Variants in FARS2 observed in about 807,000 individuals in gnomAD.
FARS2 encodes the protein phenylalanine--tRNA ligase, mitochondrial.
In FARS2, 40 loss-of-function variants were observed where a neutral mutation model predicts 46.4. The ratio of observed to expected loss-of-function variants is 0.86; its 90% CI spans 0.67 to 1.12. The LOEUF (loss-of-function observed/expected upper bound fraction) is 1.12. Among genes scored for constraint, FARS2 ranks in the 50% most tolerant of loss-of-function variants. The pLI is 0.00. For synonymous variants in FARS2, 234 were observed against 214.9 expected, an observed-to-expected ratio of 1.09 and a Z score of -0.78; for missense variants, 513 against 567.9, an observed-to-expected ratio of 0.90 and a Z score of 0.98.
At chr6:5,444,718 G>A (rs1201311806) in intron 4 of FARS2, among the ~76,000 whole-genome samples, 1 of 152,018 alleles carries the variant, frequency 6.6e-6, no homozygotes, top group Non-Finnish European at 1.5e-5. Context: ...TGGGTGGGTG[G>A]ACCCCCCACT....
At chr6:5,579,421 C>T (rs1773195863) in intron 5 of FARS2, among the ~76,000 whole-genome samples, 1 of 152,010 alleles carries the variant, frequency 6.6e-6, no homozygotes, top group South Asian at 2.1e-4. Context: ...TTACAGGCGC[C>T]CACCACCACA....
chr6:5,671,300 C>G (rs1460969180), intron 6 of FARS2, among the ~76,000 whole-genome samples: 1 of 152,208 alleles, frequency 6.6e-6, no homozygotes, highest in Non-Finnish European at 1.5e-5. Flanking sequence ...GTAAGAGTTA[C>G]TCCCACTCTG....
intron 4 of FARS2, among the ~76,000 whole-genome samples, chr6:5,470,178 G>T (rs571864367): frequency 6.6e-6 from 1 of 152,072 alleles, no homozygotes; most frequent in African/African-American, 2.4e-5. Context: ...ATACCTGCAG[G>T]TTCTGCATCC....
At chr6:5,474,876 T>C (rs942752474) in intron 4 of FARS2, among the ~76,000 whole-genome samples, 4 of 151,928 alleles carry the variant, frequency 2.6e-5, no homozygotes, top group Non-Finnish European at 5.9e-5. Flanking sequence ...GCCAGGCTGG[T>C]CTTGAACTCC....
At chr6:5,565,927 A>G (rs1276886059) in intron 5 of FARS2, among the ~76,000 whole-genome samples, 1 of 152,206 alleles carries the variant, frequency 6.6e-6, no homozygotes, top group Non-Finnish European at 1.5e-5. Flanking sequence ...GCATTAGTTT[A>G]TTAATGTTAA....
At chr6:5,544,392 C>T (rs763952290) in intron 4 of FARS2, among the ~76,000 whole-genome samples, 6 of 147,092 alleles carry the variant, frequency 4.1e-5, no homozygotes, top group Non-Finnish European at 8.9e-5. Flanking sequence ...CAGGATCCTA[C>T]TCATCTGTTA....
At chr6:5,715,403 C>A (rs760138856) in intron 6 of FARS2, among the ~76,000 whole-genome samples, 4 of 152,146 alleles carry the variant, frequency 2.6e-5, no homozygotes, top group Non-Finnish European at 5.9e-5. Flanking sequence ...GATTTTAAAA[C>A]GTTTTCATGA....
chr6:5,394,189 G>C (rs147449857), intron 2 of FARS2, among the ~76,000 whole-genome samples: 3 of 152,150 alleles, frequency 2.0e-5, no homozygotes, highest in Non-Finnish European at 4.4e-5. Flanking sequence ...GTCCTGCACC[G>C]CAAAACATTT....
intron 6 of FARS2, among the ~76,000 whole-genome samples, chr6:5,662,969 C>A (rs1777918669): frequency 6.6e-6 from 1 of 152,182 alleles, no homozygotes; most frequent in Admixed American, 6.5e-5. Context: ...TTAATAAATT[C>A]TATGATAGCA....
At chr6:5,692,434 ACTG>A in intron 6 of FARS2, among the ~76,000 whole-genome samples, 1 of 152,266 alleles carries the variant, frequency 6.6e-6, no homozygotes, top group East Asian at 1.9e-4. Context: ...CCATATATTC[ACTG>A]CTTTGGCCTG....
intron 1 of FARS2, among the ~76,000 whole-genome samples, chr6:5,327,665 A>T (rs1770495185): frequency 6.6e-6 from 1 of 152,184 alleles, no homozygotes; most frequent in Non-Finnish European, 1.5e-5. Context: ...TTTTCTTTAT[A>T]AATTACCCAA....
intron 6 of FARS2, among the ~76,000 whole-genome samples, chr6:5,759,672 A>C (rs1762387659): frequency 6.6e-6 from 1 of 152,062 alleles, no homozygotes; most frequent in South Asian, 2.1e-4. Flanking sequence ...TGCTGCCAAA[A>C]ACGGGTAGAG....
At chr6:5,605,560 A>G (rs1283889637) in intron 5 of FARS2, among the ~76,000 whole-genome samples, 1 of 152,212 alleles carries the variant, frequency 6.6e-6, no homozygotes, top group Non-Finnish European at 1.5e-5. Context: ...CAGAGGAACC[A>G]TAAAAACCTC....
chr6:5,385,755 C>T (rs1207658034), intron 2 of FARS2, among the ~76,000 whole-genome samples: 1 of 152,036 alleles, frequency 6.6e-6, no homozygotes, highest in Non-Finnish European at 1.5e-5. Context: ...TGTGAGTGTG[C>T]TTATGTTTAG....
intron 1 of FARS2, among the ~76,000 whole-genome samples, chr6:5,363,535 TATAAG>T (rs1758453547): frequency 6.6e-6 from 1 of 152,046 alleles, no homozygotes; most frequent in Non-Finnish European, 1.5e-5. Context: ...CGATGATAAA[TATAAG>T]AGAGAGAGGA....
At chr6:5,391,567 AG>A (rs1760518047) in intron 2 of FARS2, among the ~76,000 whole-genome samples, 1 of 128,460 alleles carries the variant, frequency 7.8e-6, no homozygotes, top group Non-Finnish European at 1.8e-5. Context: ...GGTGGTCAAT[AG>A]TTATTTTTTT....
intron 5 of FARS2, among the ~76,000 whole-genome samples, chr6:5,581,622 A>T (rs1773333133): frequency 6.6e-6 from 1 of 152,166 alleles, no homozygotes; most frequent in East Asian, 1.9e-4. Context: ...CTGAAGAGGG[A>T]GCAAAAAGAA....
At chr6:5,485,857 T>G (rs1766744927) in intron 4 of FARS2, among the ~76,000 whole-genome samples, 1 of 152,154 alleles carries the variant, frequency 6.6e-6, no homozygotes, top group South Asian at 2.1e-4. Flanking sequence ...GTTCCTTGGC[T>G]GGCCACATTC....
chr6:5,267,988 G>A (rs1203435288), intron 1 of FARS2, among the ~76,000 whole-genome samples: 1 of 151,878 alleles, frequency 6.6e-6, no homozygotes, highest in Non-Finnish European at 1.5e-5. Flanking sequence ...TTTTTTGGCT[G>A]CATAAATGTC....
Sources: gnomAD v4.1 joint callset for allele counts (sites outside exome capture counted in the v4.1 genomes callset) on GRCh38, gnomAD v4.1.1 for gene constraint, MANE v1.5 for transcripts, NCBI Gene and HGNC (gene_info 2026-07-23, HGNC 2026-07-21) for gene names.